Variants in SLC71A2 observed in about 807,000 individuals in gnomAD.
SLC71A2 encodes solute carrier family 71 member 2.
At chr9:94,375,209 A>T in the SLC71A2 span, among the ~76,000 whole-genome samples, 4 of 151,986 alleles carry the variant, frequency 2.6e-5, no homozygotes, top group Non-Finnish European at 4.4e-5. Context: ...CCGTCCCTGT[A>T]ACAGTTGATA....
At chr9:94,451,590 A>G in the SLC71A2 span, 3 of 838,958 alleles carry the variant, frequency 3.6e-6, no homozygotes, top group South Asian at 5.6e-5. Flanking sequence ...ATAGTTTCAC[A>G]GGAAGCCACA....
At chr9:94,430,677 G>GT in the SLC71A2 span, among the ~76,000 whole-genome samples, 3 of 152,018 alleles carry the variant, frequency 2.0e-5, no homozygotes, top group Non-Finnish European at 4.4e-5. Flanking sequence ...GATGAATCCA[G>GT]TTTTTTGAAA....
At chr9:94,409,170 A>C in the SLC71A2 span, among the ~76,000 whole-genome samples, 43 of 76,402 alleles carry the variant, frequency 5.6e-4, no homozygotes, top group East Asian at 1.2e-3. Context: ...GCAAGGTTTC[A>C]CTCCCTTCTC....
chr9:94,434,163 A>G, the SLC71A2 span, among the ~76,000 whole-genome samples: 1 of 152,240 alleles, frequency 6.6e-6, no homozygotes, highest in Non-Finnish European at 1.5e-5. Context: ...AAAATATTCT[A>G]CATTAAACTT....
At chr9:94,429,286 C>G in the SLC71A2 span, 6 of 1,550,106 alleles carry the variant, frequency 3.9e-6, no homozygotes, top group African/African-American at 1.4e-5. Context: ...TGTAATGAAC[C>G]AAAGTCAGGA....
At chr9:94,380,172 CAGG>C in the SLC71A2 span, among the ~76,000 whole-genome samples, 1 of 151,992 alleles carries the variant, frequency 6.6e-6, no homozygotes, top group Non-Finnish European at 1.5e-5. Context: ...GAGGCTGAGG[CAGG>C]AGAATGGCGT....
chr9:94,381,649 G>C, the SLC71A2 span, among the ~76,000 whole-genome samples: 2 of 152,068 alleles, frequency 1.3e-5, no homozygotes, highest in Non-Finnish European at 2.9e-5. Flanking sequence ...GAAATGGCTG[G>C]GTCATATGGT....
the SLC71A2 span, among the ~76,000 whole-genome samples, chr9:94,434,562 G>C: frequency 6.6e-5 from 10 of 151,940 alleles, no homozygotes; most frequent in Non-Finnish European, 1.3e-4. Context: ...TGATCCTCCC[G>C]CCTCAGCCTC....
chr9:94,456,383 C>T, the SLC71A2 span: 1 of 1,475,336 alleles, frequency 6.8e-7, no homozygotes, highest in Non-Finnish European at 9.5e-7. Flanking sequence ...AACGGGAGAC[C>T]TCCCTGCTAG....
the SLC71A2 span, among the ~76,000 whole-genome samples, chr9:94,402,810 A>G: frequency 6.6e-6 from 1 of 152,300 alleles, no homozygotes; most frequent in South Asian, 2.1e-4. Flanking sequence ...TTCTCCTAAT[A>G]ATCCTCTAGA....
chr9:94,400,345 C>G, the SLC71A2 span, among the ~76,000 whole-genome samples: 1 of 151,736 alleles, frequency 6.6e-6, no homozygotes, highest in East Asian at 1.9e-4. Context: ...GAGTTTCAGT[C>G]CGTTGCCTGA....
the SLC71A2 span, among the ~76,000 whole-genome samples, chr9:94,400,544 A>G: frequency 4.9e-4 from 69 of 141,118 alleles, no homozygotes; most frequent in Admixed American, 4.5e-3. Flanking sequence ...TTTGTTGCCT[A>G]TGATAAAATT....
At chr9:94,388,198 T>C in the SLC71A2 span, among the ~76,000 whole-genome samples, 1 of 152,140 alleles carries the variant, frequency 6.6e-6, no homozygotes, top group South Asian at 2.1e-4. Context: ...GTGAGTATCA[T>C]GGGTCATGAA....
chr9:94,382,266 G>A, the SLC71A2 span, among the ~76,000 whole-genome samples: 3 of 152,188 alleles, frequency 2.0e-5, no homozygotes, highest in Admixed American at 6.5e-5. Context: ...GATTCAAGTC[G>A]TCCACCTGCC....
At chr9:94,429,909 A>ATTTT in the SLC71A2 span, among the ~76,000 whole-genome samples, 2 of 141,894 alleles carry the variant, frequency 1.4e-5, no homozygotes, top group Admixed American at 7.0e-5. Flanking sequence ...TCTTTATTTT[A>ATTTT]TTTTTTTTTT....
At chr9:94,405,498 C>CAAAA in the SLC71A2 span, among the ~76,000 whole-genome samples, 1 of 59,818 alleles carries the variant, frequency 1.7e-5, no homozygotes, top group Admixed American at 1.9e-4. Context: ...GACTCCGTCT[C>CAAAA]AAAAAAAAAA....
At chr9:94,379,103 T>TTTTTTTTTTTTTTA in the SLC71A2 span, among the ~76,000 whole-genome samples, 2 of 142,326 alleles carry the variant, frequency 1.4e-5, no homozygotes, top group Non-Finnish European at 3.0e-5. Context: ...TTTTTTTTTT[T>TTTTTTTTTTTTTTA]GAGACGGAGT....
chr9:94,415,163 A>C, the SLC71A2 span: 6 of 1,612,302 alleles, frequency 3.7e-6, no homozygotes, highest in African/African-American at 6.7e-5. Context: ...TTTAGCTACA[A>C]GGCTTTGGCC....
At chr9:94,389,027 A>G in the SLC71A2 span, among the ~76,000 whole-genome samples, 1 of 151,952 alleles carries the variant, frequency 6.6e-6, no homozygotes, top group East Asian at 1.9e-4. Context: ...TTTCAGATAT[A>G]TATGCACTAG....
Sources: gnomAD v4.1 joint callset for allele counts (sites outside exome capture counted in the v4.1 genomes callset) on GRCh38, gnomAD v4.1.1 for gene constraint, MANE v1.5 for transcripts, NCBI Gene and HGNC (gene_info 2026-07-23, HGNC 2026-07-21) for gene names.